C10orf90: variants seen among roughly 807,000 people sequenced by gnomAD.
C10orf90 encodes the protein chromosome 10 open reading frame 90, also known as (E2-independent) E3 ubiquitin-conjugating enzyme FATS.
Under a neutral mutation model 62.5 loss-of-function variants are expected in C10orf90, and 56 were observed. The ratio of observed to expected loss-of-function variants is 0.90; its 90% CI spans 0.72 to 1.12. C10orf90 has a LOEUF of 1.12. Ranked by LOEUF, C10orf90 falls within the 50% of genes most tolerant of loss-of-function variation. The pLI is 0.00. For missense variants in C10orf90, 970 were observed against 880.4 expected (o/e 1.10, Z -1.29); for synonymous variants, 386 against 340.4 (o/e 1.13, Z -1.47).
chr10:126,456,102 T>G lies in C10orf90; in HGVS notation c.2188+2938A>C, dbSNP rs977857551. On this transcript the variant is annotated intron_variant, in intron 7 of 9. Coordinates refer to ENST00000488181, the MANE Select transcript of C10orf90 (RefSeq NM_001350921.2). The surrounding 1 kb of genome is among the most constrained non-coding windows in gnomAD (Gnocchi z 4.9). Reference sequence around the variant, plus strand: ...GCCAAAGCTCGTTCACGCATATGATTTATGAACTAATTTAGCAAGTAAGAA... The same window carrying G: ...GCCAAAGCTCGTTCACGCATATGATGTATGAACTAATTTAGCAAGTAAGAA... 5.3e-5 allele frequency among the ~76,000 whole-genome samples: 8 copies of G among 152,246 alleles called. No homozygotes were observed. The highest frequency in any genetic ancestry group is 1.9e-4 in the African/African-American group (8 of 41,472).
intron 7 of C10orf90, among the ~76,000 whole-genome samples, chr10:126,435,138 CCA>C (rs1440606125): frequency 1.3e-5 from 2 of 152,220 alleles, no homozygotes; most frequent in Non-Finnish European, 2.9e-5. Flanking sequence ...TAAGTGGAAG[CCA>C]CACAGTTGTT....
chr10:126,517,318 A>C (rs950123754), intron 2 of C10orf90, among the ~76,000 whole-genome samples: 8 of 152,268 alleles, frequency 5.3e-5, no homozygotes, highest in African/African-American at 1.9e-4. Context: ...ATCTAAAAAA[A>C]TAGTAAAGTT....
At position 126,518,867 on chromosome 10, in the gene C10orf90, G is replaced by A. The variant is rs947487015; in HGVS notation, c.314-4928C>T. Among the ~76,000 whole-genome samples, 3 of 152,154 alleles carry A rather than the reference G, an allele frequency of 2.0e-5. No homozygotes were observed. In the South Asian group the frequency reaches 6.2e-4, roughly 32 times the overall value. On this transcript the variant is annotated intron_variant, in intron 2 of 9. Coordinates refer to ENST00000488181, the MANE Select transcript of C10orf90 (RefSeq NM_001350921.2). ...GACTGAACACACCACAAGGCCCTGA[G>A]TCAAGTACTTCCAGAATCCCGGTTT...
chr10:126,604,334 T>C (rs1349850419), intron 2 of C10orf90, among the ~76,000 whole-genome samples: 2 of 152,130 alleles, frequency 1.3e-5, no homozygotes, highest in African/African-American at 2.4e-5. Flanking sequence ...ACCAAAAAAA[T>C]GCCTGCAGGT....
intron 2 of C10orf90, among the ~76,000 whole-genome samples, chr10:126,597,883 A>T (rs1845117770): frequency 6.6e-6 from 1 of 152,220 alleles, no homozygotes; most frequent in African/African-American, 2.4e-5. Flanking sequence ...ACAAATATGG[A>T]AACAAGATAA....
intron 2 of C10orf90, among the ~76,000 whole-genome samples, chr10:126,611,634 ACT>A (rs1210848825): frequency 6.6e-6 from 1 of 152,078 alleles, no homozygotes; most frequent in Non-Finnish European, 1.5e-5. Context: ...ACTTCTTCAA[ACT>A]CTTGTCAGCA....
chr10:126,472,925 C>A (rs775264744), intron 4 of C10orf90, among the ~76,000 whole-genome samples: 12 of 152,092 alleles, frequency 7.9e-5, no homozygotes, highest in East Asian at 1.9e-4. Flanking sequence ...GGGTACTGAG[C>A]CTTTAGCATT....
chr10:126,484,221 T>C (rs1158795430), intron 4 of C10orf90, among the ~76,000 whole-genome samples: 2 of 152,166 alleles, frequency 1.3e-5, no homozygotes, highest in African/African-American at 4.8e-5. Flanking sequence ...AATACGCCAA[T>C]TCCCTCTAGA....
At chr10:126,545,895 C>T (rs1864478780) in intron 2 of C10orf90, among the ~76,000 whole-genome samples, 1 of 152,064 alleles carries the variant, frequency 6.6e-6, no homozygotes, top group African/African-American at 2.4e-5. Context: ...GTTCTGGATG[C>T]TATATATAAA....
At chr10:126,569,715 G>A (rs897014506) in intron 2 of C10orf90, among the ~76,000 whole-genome samples, 2 of 152,178 alleles carry the variant, frequency 1.3e-5, no homozygotes, top group South Asian at 2.1e-4. Context: ...CCTGTTGGGT[G>A]TCTATGGCCA....
At chr10:126,509,324 A>C (rs1449286570) in intron 3 of C10orf90, among the ~76,000 whole-genome samples, 1 of 152,206 alleles carries the variant, frequency 6.6e-6, no homozygotes, top group Non-Finnish European at 1.5e-5. Flanking sequence ...CCAATGTGTG[A>C]TGTAATTCTC....
At chr10:126,481,387 T>C (rs73371040) in intron 4 of C10orf90, among the ~76,000 whole-genome samples, 4 of 152,270 alleles carry the variant, frequency 2.6e-5, no homozygotes, top group African/African-American at 9.6e-5. Context: ...AGATGACACA[T>C]GGCACTCAAT....
intron 2 of C10orf90, among the ~76,000 whole-genome samples, chr10:126,530,830 A>C (rs1397227578): frequency 6.6e-6 from 1 of 152,184 alleles, no homozygotes; most frequent in African/African-American, 2.4e-5. Context: ...AGAGAAAAAA[A>C]CAAAACAAAA....
At chr10:126,445,826 T>TATATATAC (rs57867349) in intron 7 of C10orf90, among the ~76,000 whole-genome samples, 17,037 of 144,470 alleles carry the variant, frequency 0.12, 1,125 homozygotes, top group African/African-American at 0.16. Flanking sequence ...TATATATATA[T>TATATATAC]ACAATGGAAT....
chr10:126,450,616 G>C (rs1186264150), intron 7 of C10orf90, among the ~76,000 whole-genome samples: 2 of 152,160 alleles, frequency 1.3e-5, no homozygotes, highest in Non-Finnish European at 2.9e-5. Flanking sequence ...TCAACAAATT[G>C]AGTTGGGAAG....
rs1456274552 is a variant in C10orf90 at position 126,572,767 on chromosome 10, C to T, written c.314-58828G>A. ...ACTGTAAGTTTCAGCCTCATTTTACCCAGCTCCTATTCAAGATGGAGTTGC... is the reference window on the plus strand; with the variant it reads ...ACTGTAAGTTTCAGCCTCATTTTACTCAGCTCCTATTCAAGATGGAGTTGC... On this transcript the variant is annotated intron_variant, in intron 2 of 9. Transcript: ENST00000488181. Among the ~76,000 whole-genome samples the T allele has an allele frequency of 2.0e-5, 3 of 152,026 alleles. No individual in the cohort carries two copies. The East Asian group carries it at 5.8e-4, about 30-fold the overall frequency.
intron 4 of C10orf90, among the ~76,000 whole-genome samples, chr10:126,470,332 G>A (rs948918269): frequency 2.0e-5 from 3 of 152,196 alleles, no homozygotes; most frequent in Non-Finnish European, 4.4e-5. Context: ...AGTGTTGTTT[G>A]CTTTATTCTT....
At chr10:126,561,192 T>A (rs7080945) in intron 2 of C10orf90, among the ~76,000 whole-genome samples, 21 of 152,146 alleles carry the variant, frequency 1.4e-4, no homozygotes, top group African/African-American at 4.1e-4. Context: ...ATCAGGAGAC[T>A]TCTGGAAGAA....
intron 2 of C10orf90, among the ~76,000 whole-genome samples, chr10:126,642,349 G>A (rs565236519): frequency 4.5e-4 from 69 of 152,188 alleles, no homozygotes; most frequent in Middle Eastern, 3.4e-3. Context: ...TGGCTAACAT[G>A]GTGAAACCCC....
Sources: allele counts gnomAD v4.1 joint callset (sites outside exome capture counted in the v4.1 genomes callset), GRCh38; gene constraint gnomAD v4.1.1; non-coding constraint Gnocchi (gnomAD v3.1); transcripts MANE v1.5; gene names NCBI Gene and HGNC (gene_info 2026-07-23, HGNC 2026-07-21).